Variants in GRID1 observed in about 807,000 individuals in gnomAD.
GRID1 encodes the protein glutamate receptor ionotropic, delta-1.
In GRID1, 28 loss-of-function variants were observed where a neutral mutation model predicts 98.0. The observed-to-expected ratio is 0.29, with a 90% CI of 0.21 to 0.39. The LOEUF (loss-of-function observed/expected upper bound fraction) is 0.39. Ranked by LOEUF, GRID1 falls within the 10% of genes least tolerant of loss-of-function variation. The pLI, the probability that GRID1 is intolerant of heterozygous loss-of-function variation, is 1.00. For missense variants in GRID1, 1,111 were observed against 1,340.5 expected, an observed-to-expected ratio of 0.83 and a Z score of 2.67; for synonymous variants, 553 against 538.5, an observed-to-expected ratio of 1.03 and a Z score of -0.37.
At chr10:86,097,383 G>C (rs1481121316) in intron 4 of GRID1, among the ~76,000 whole-genome samples, 1 of 152,202 alleles carries the variant, frequency 6.6e-6, no homozygotes, top group East Asian at 1.9e-4. Context: ...TCACCACTCA[G>C]TTAAAGAACA....
chr10:86,098,249 T>C (rs1311527688), intron 4 of GRID1, among the ~76,000 whole-genome samples: 1 of 152,254 alleles, frequency 6.6e-6, no homozygotes, highest in Non-Finnish European at 1.5e-5. Flanking sequence ...TGTTAACATT[T>C]TCTGTTTTAC....
chr10:86,330,409 C>T (rs1848122648), intron 2 of GRID1, among the ~76,000 whole-genome samples: 1 of 152,186 alleles, frequency 6.6e-6, no homozygotes, highest in Non-Finnish European at 1.5e-5. Flanking sequence ...GCCACCAGGG[C>T]TGGACACGTT....
At chr10:85,798,246 A>G (rs1293545199) in intron 8 of GRID1, among the ~76,000 whole-genome samples, 1 of 152,216 alleles carries the variant, frequency 6.6e-6, no homozygotes, top group Non-Finnish European at 1.5e-5. Flanking sequence ...CTTCTTTGCA[A>G]ATTTTGCTTT....
intron 12 of GRID1, among the ~76,000 whole-genome samples, chr10:85,665,817 C>T (rs571261732): frequency 6.6e-6 from 1 of 152,228 alleles, no homozygotes; most frequent in South Asian, 2.1e-4. Flanking sequence ...ATTAAAGTGA[C>T]ACCAAGGACA....
intron 2 of GRID1, among the ~76,000 whole-genome samples, chr10:86,285,644 T>C (rs758740887): frequency 5.3e-5 from 8 of 152,178 alleles, no homozygotes; most frequent in Non-Finnish European, 1.0e-4. Context: ...GACACTGCTC[T>C]GAGATATGTA....
chr10:85,946,366 G>A (rs1842053550), intron 4 of GRID1, among the ~76,000 whole-genome samples: 1 of 152,208 alleles, frequency 6.6e-6, no homozygotes, highest in Non-Finnish European at 1.5e-5. Context: ...CCTGCTCAGT[G>A]TCCACTCCAT....
intron 8 of GRID1, among the ~76,000 whole-genome samples, chr10:85,754,453 C>T (rs188592708): frequency 1.4e-3 from 217 of 152,164 alleles, no homozygotes; most frequent in African/African-American, 4.9e-3. Context: ...TTGTAGAATG[C>T]ACTGAGGAGA....
chr10:85,874,691 G>A (rs1023837285), intron 5 of GRID1, among the ~76,000 whole-genome samples: 1 of 152,180 alleles, frequency 6.6e-6, no homozygotes, highest in Non-Finnish European at 1.5e-5. Context: ...TTGTGGAAAG[G>A]CTGGCTTTGT....
intron 12 of GRID1, among the ~76,000 whole-genome samples, chr10:85,669,398 A>G (rs1044941584): frequency 6.6e-6 from 1 of 152,236 alleles, no homozygotes; most frequent in African/African-American, 2.4e-5. Flanking sequence ...AGAGGGCTCC[A>G]AGGGCCCCTT....
At chr10:86,290,169 C>G (rs1390522429) in intron 2 of GRID1, among the ~76,000 whole-genome samples, 1 of 150,482 alleles carries the variant, frequency 6.6e-6, no homozygotes, top group Non-Finnish European at 1.5e-5. Flanking sequence ...ATTAATACAT[C>G]TCCTCATGCC....
At position 85,729,509 on chromosome 10, in the gene GRID1, C is replaced by T. The variant is rs372214692; in HGVS notation, c.1335+4G>A. ...TCGCTCCCAGAATGTCCCCATGATC[C>T]TACCAAGACAGTCACCACTTTAAGA... On this transcript the variant is annotated splice_donor_region_variant and intron_variant, in intron 9 of 15. Transcript: ENST00000327946. 2.9e-5 allele frequency: 45 copies of T among 1,568,474 alleles called. No individual in the cohort carries two copies. The highest frequency in any genetic ancestry group is 3.9e-5 in the Non-Finnish European group (44 of 1,140,048).
At chr10:86,071,591 G>C (rs1843805993) in intron 4 of GRID1, among the ~76,000 whole-genome samples, 1 of 152,160 alleles carries the variant, frequency 6.6e-6, no homozygotes, top group South Asian at 2.1e-4. Flanking sequence ...AAACTCATAA[G>C]CCTTCCTTTT....
intron 4 of GRID1, among the ~76,000 whole-genome samples, chr10:86,007,847 T>C (rs61856016): frequency 0.055 from 8,305 of 151,356 alleles, 288 homozygotes; most frequent in Middle Eastern, 0.086. Flanking sequence ...TATTTATTTA[T>C]TTATTTTTGG....
chr10:85,629,922 T>G (rs1312290863), intron 13 of GRID1, among the ~76,000 whole-genome samples: 1 of 152,250 alleles, frequency 6.6e-6, no homozygotes, highest in African/African-American at 2.4e-5. Context: ...GTAAGTGATA[T>G]CTCACTGTCG....
chr10:86,098,045 C>T (rs1383085552), intron 4 of GRID1, among the ~76,000 whole-genome samples: 3 of 152,178 alleles, frequency 2.0e-5, no homozygotes, highest in Non-Finnish European at 4.4e-5. Flanking sequence ...GATAAAAATA[C>T]CACACAAGAT....
intron 8 of GRID1, among the ~76,000 whole-genome samples, chr10:85,797,892 T>C (rs1842540231): frequency 6.6e-6 from 1 of 152,228 alleles, no homozygotes. Context: ...ATCCATATTG[T>C]TGCAAATGAC....
intron 3 of GRID1, among the ~76,000 whole-genome samples, chr10:86,182,030 G>C (rs775008669): frequency 2.0e-5 from 3 of 152,162 alleles, no homozygotes; most frequent in Non-Finnish European, 2.9e-5. Context: ...AAAGTGAAGT[G>C]GGCTTCTTTA....
chr10:85,868,941 C>T, intron 6 of GRID1, 69 bp downstream of exon 6: 1 of 1,380,694 alleles, frequency 7.2e-7, no homozygotes, highest in Admixed American at 1.8e-5. Flanking sequence ...CCCCACATGT[C>T]TCCCTTGGCC....
At position 86,198,510 on chromosome 10, in the gene GRID1, T is replaced by G. The variant is rs116376412; in HGVS notation, c.520+7854A>C. ...CAGAGTAGTAAGTGTTACTGAGCAG[T>G]TACCACGCGCCAGGTACTGAGCTAA... is the stretch of plus-strand genomic sequence containing the variant. On this transcript the variant is annotated intron_variant, in intron 3 of 15. Coordinates refer to ENST00000327946, the MANE Select transcript of GRID1 (RefSeq NM_017551.3). Among the ~76,000 whole-genome samples, 844 of 152,256 alleles carry G rather than the reference T, an allele frequency of 5.5e-3. 9 individuals carry two copies. Among genetic ancestry groups the G allele is most frequent in the African/African-American group, 0.019 (809 of 41,560 alleles).
Sources: gnomAD v4.1 joint callset for allele counts (sites outside exome capture counted in the v4.1 genomes callset) on GRCh38, gnomAD v4.1.1 for gene constraint, MANE v1.5 for transcripts, NCBI Gene and HGNC (gene_info 2026-07-23, HGNC 2026-07-21) for gene names.